MAP4: variants seen among roughly 807,000 people sequenced by gnomAD.
MAP4 encodes the protein microtubule associated protein 4.
In MAP4, 76 loss-of-function variants were observed where a neutral mutation model predicts 170.2. That is an observed-to-expected ratio of 0.45 (90% CI 0.37 to 0.54). The LOEUF (loss-of-function observed/expected upper bound fraction) is 0.54. Ranked by LOEUF, MAP4 falls within the 20% of genes least tolerant of loss-of-function variation. The probability of loss-of-function intolerance (pLI) is 0.00; values close to 1 mark genes in which losing one functional copy is unlikely to be tolerated. For synonymous variants in MAP4, 909 were observed against 994.5 expected (o/e 0.91, Z 1.62); for missense variants, 2,506 against 2,748.0 (o/e 0.91, Z 1.97).
intron 14 of MAP4, 28 bp from the exon 15 acceptor site, chr3:47,871,133 C>G (rs748506162): frequency 2.5e-6 from 4 of 1,609,090 alleles, no homozygotes; most frequent in Non-Finnish European, 3.4e-6. Context: ...AGAGATAACA[C>G]GGGTTCAGGG....
At chr3:48,085,829 G>C (rs2100148711) in intron 1 of MAP4, among the ~76,000 whole-genome samples, 1 of 152,148 alleles carries the variant, frequency 6.6e-6, no homozygotes, top group South Asian at 2.1e-4. Context: ...GGCCGAGGCA[G>C]GCGGAACACG....
chr3:47,916,830 T>C lies in MAP4; in HGVS notation c.997A>G (p.Asn333Asp). 6.2e-7 allele frequency: 1 copy of C among 1,614,244 alleles called. No individual in the cohort carries two copies. The highest frequency in any genetic ancestry group is 8.5e-7 in the Non-Finnish European group (1 of 1,180,046). The change falls in exon 7 of 21, where the codon AAT becomes GAT. Residue 333 changes from asparagine to aspartate, a missense_variant. Around this residue, in one of 3 missense-constraint regions of MAP4, gnomAD observed 2,008 missense variants for 2,206.0 expected, o/e 0.91. Coordinates refer to ENST00000683076, the MANE Select transcript of MAP4 (RefSeq NM_001385682.1). ...TCTGTTTCTGTGGGCAGTACCACAT[T>C]CTTGGCTGAAGATACATCTGTTTCT... ...PTETDVSSAK[N>D]VVLPTETEVA...
chr3:47,999,815 C>T (rs2154377803), intron 1 of MAP4, among the ~76,000 whole-genome samples: 1 of 147,170 alleles, frequency 6.8e-6, no homozygotes, highest in South Asian at 2.2e-4. Context: ...AACAAACCTT[C>T]ACATATACCC....
intron 15 of MAP4, 54 bp from the exon 16 acceptor site, chr3:47,869,381 A>C: frequency 8.2e-7 from 1 of 1,219,930 alleles, no homozygotes; most frequent in Non-Finnish European, 1.2e-6. Context: ...AAGAGCTCAA[A>C]AGCCAAGAAG....
At chr3:48,074,104 T>C (rs1234516368) in intron 1 of MAP4, among the ~76,000 whole-genome samples, 4 of 152,000 alleles carry the variant, frequency 2.6e-5, no homozygotes, top group East Asian at 1.9e-4. Flanking sequence ...GTGGCACATA[T>C]ACACCATGGA....
At chr3:47,869,086 A>C in intron 16 of MAP4, 128 bp downstream of exon 16, 1 of 720,930 alleles carries the variant, frequency 1.4e-6, no homozygotes, top group Non-Finnish European at 2.4e-6. Context: ...CAGAGAAGGG[A>C]ATATAGGGGA....
chr3:47,888,631 G>A (rs940200451), intron 10 of MAP4, among the ~76,000 whole-genome samples: 5 of 152,194 alleles, frequency 3.3e-5, no homozygotes, highest in Admixed American at 1.3e-4. Context: ...AACACTCACC[G>A]CGAGGGTCCG....
chr3:48,027,237 C>T (rs1286126254), intron 1 of MAP4, among the ~76,000 whole-genome samples: 1 of 152,106 alleles, frequency 6.6e-6, no homozygotes, highest in Non-Finnish European at 1.5e-5. Context: ...TAAGGGAGAA[C>T]CTTAAATTCT....
chr3:47,855,430 C>T lies in MAP4; in HGVS notation c.6584-70G>A, dbSNP rs767513925. ...TCCCTGCAGGCAAAACCAGGACTAG[C>T]GATATGCCCAATCTAGAAATGAGAC... is the stretch of plus-strand genomic sequence containing the variant. On this transcript the variant is annotated intron_variant, in intron 18 of 20. Transcript: ENST00000683076. This position sits in a 1 kb window ranked among gnomAD's most constrained non-coding sequence, Gnocchi z 5.1. 4 of 891,672 alleles carry T rather than the reference C, an allele frequency of 4.5e-6. No homozygotes were observed. The highest frequency in any genetic ancestry group is 5.7e-6 in the Non-Finnish European group (3 of 523,582). 55.2% of individuals were successfully genotyped at this position (891,672 alleles called of 1,614,324 possible).
At chr3:47,902,852 T>C in intron 10 of MAP4, 98 bp downstream of exon 10, 1 of 401,974 alleles carries the variant, frequency 2.5e-6, no homozygotes, top group Non-Finnish European at 3.4e-6. Flanking sequence ...GGTTTTTTCA[T>C]CTGCTGAGCA....
At chr3:48,044,935 C>G (rs183335772) in intron 1 of MAP4, among the ~76,000 whole-genome samples, 2 of 145,742 alleles carry the variant, frequency 1.4e-5, no homozygotes, top group African/African-American at 5.1e-5. Flanking sequence ...GGCAACAGAG[C>G]AAGATCCTAT....
chr3:47,856,149 C>A (rs763124923), intron 18 of MAP4, among the ~76,000 whole-genome samples: 1 of 152,180 alleles, frequency 6.6e-6, no homozygotes, highest in Non-Finnish European at 1.5e-5. Flanking sequence ...CAGCCCCTCC[C>A]GCGCCCAGCA....
intron 3 of MAP4, among the ~76,000 whole-genome samples, chr3:47,946,266 A>G (rs936127860): frequency 2.6e-5 from 4 of 151,744 alleles, no homozygotes; most frequent in African/African-American, 9.7e-5. Flanking sequence ...GCTCAGGACT[A>G]TTACACTAAT....
intron 10 of MAP4, among the ~76,000 whole-genome samples, chr3:47,889,152 G>A (rs1053529920): frequency 2.0e-5 from 3 of 152,236 alleles, no homozygotes; most frequent in Non-Finnish European, 4.4e-5. Flanking sequence ...GGAAGAGAAT[G>A]GAGTACATGT....
chr3:47,864,249 A>AT (rs941147547), intron 17 of MAP4, among the ~76,000 whole-genome samples: 3 of 151,844 alleles, frequency 2.0e-5, no homozygotes, highest in African/African-American at 4.8e-5. Context: ...TTTAAAAGAT[A>AT]TTTTTTTTGG....
Position 47,850,901 on chromosome 3 carries a change from T to C in MAP4, c.*2033A>G, listed in dbSNP as rs1042122576. On this transcript the variant is annotated 3_prime_UTR_variant, in exon 21 of 21. Coordinates refer to ENST00000683076, the MANE Select transcript of MAP4 (RefSeq NM_001385682.1). ...AGTGGAGGATCCTTTGAGGGAACTC[T>C]GACCACTCCTGTTGTCTACCTAGAG... The C allele has an allele frequency of 6.6e-6, 1 of 151,930 alleles. No individual in the cohort carries two copies. The highest frequency in any genetic ancestry group is 1.9e-4 in the East Asian group (1 of 5,184). 9.4% of individuals were successfully genotyped at this position (151,930 alleles called of 1,614,324 possible). A position where few individuals can be genotyped will look rare whatever the true frequency, so the allele number is the denominator to read the frequency against.
At chr3:47,921,735 A>G in intron 5 of MAP4, 30 bp downstream of exon 5, 1 of 1,384,028 alleles carries the variant, frequency 7.2e-7, no homozygotes, top group African/African-American at 1.4e-5. Flanking sequence ...TTCCTTCCCT[A>G]CAGAATAAAT....
chr3:48,065,718 C>A (rs996445822), intron 1 of MAP4, among the ~76,000 whole-genome samples: 1 of 152,178 alleles, frequency 6.6e-6, no homozygotes, highest in African/African-American at 2.4e-5. Context: ...ACTGTCAAGT[C>A]ATGCAGTTTG....
intron 1 of MAP4, among the ~76,000 whole-genome samples, chr3:48,048,934 A>AC (rs1389238006): frequency 1.3e-5 from 2 of 151,024 alleles, no homozygotes; most frequent in African/African-American, 4.9e-5. Context: ...TCCACCTACT[A>AC]CCCCCCTGTC....
Sources: allele counts gnomAD v4.1 joint callset (sites outside exome capture counted in the v4.1 genomes callset), GRCh38; gene constraint gnomAD v4.1.1; regional missense constraint gnomAD v4.1.1; non-coding constraint Gnocchi (gnomAD v3.1); transcripts MANE v1.5; gene names NCBI Gene and HGNC (gene_info 2026-07-23, HGNC 2026-07-21).